PRRX1: variants seen among roughly 807,000 people sequenced by gnomAD.
PRRX1 encodes the protein paired related homeobox 1.
PRRX1 carries 8 observed loss-of-function variants against 24.0 expected under a neutral mutation model. That is an observed-to-expected ratio of 0.33 (90% CI 0.20 to 0.60). The LOEUF (loss-of-function observed/expected upper bound fraction) is 0.60, where lower values mean the gene tolerates loss of function less well. Among genes scored for constraint, PRRX1 ranks in the 20% least tolerant of loss-of-function variants. The probability of loss-of-function intolerance (pLI) is 0.82; values close to 1 mark genes in which losing one functional copy is unlikely to be tolerated. For missense variants in PRRX1, 281 were observed against 322.4 expected (o/e 0.87, Z 0.98); for synonymous variants, 160 against 131.7 (o/e 1.22, Z -1.47).
intron 1 of PRRX1, among the ~76,000 whole-genome samples, chr1:170,717,287 T>C (rs1654934250): frequency 6.6e-6 from 1 of 152,256 alleles, no homozygotes; most frequent in African/African-American, 2.4e-5. Flanking sequence ...TGGTGGTTTA[T>C]GGTAGACAGT....
intron 1 of PRRX1, among the ~76,000 whole-genome samples, chr1:170,670,562 G>A (rs1558042825): frequency 6.6e-6 from 1 of 151,638 alleles, no homozygotes; most frequent in South Asian, 2.1e-4. Context: ...GTAGATTGTC[G>A]TTGTCATTTT....
At chr1:170,703,900 T>C (rs1368014315) in intron 1 of PRRX1, among the ~76,000 whole-genome samples, 1 of 152,206 alleles carries the variant, frequency 6.6e-6, no homozygotes, top group African/African-American at 2.4e-5. Context: ...CATGAAAATA[T>C]ACAGCCATGT....
chr1:170,672,360 T>C (rs1173801723), intron 1 of PRRX1, among the ~76,000 whole-genome samples: 1 of 152,228 alleles, frequency 6.6e-6, no homozygotes, highest in Non-Finnish European at 1.5e-5. Flanking sequence ...GGTTAATACA[T>C]ACTTTCCAAG....
At chr1:170,733,778 G>C (rs528744122) in intron 3 of PRRX1, among the ~76,000 whole-genome samples, 1 of 151,914 alleles carries the variant, frequency 6.6e-6, no homozygotes, top group Non-Finnish European at 1.5e-5. Context: ...TTAGATCTTC[G>C]GATTCTTGGT....
intron 1 of PRRX1, among the ~76,000 whole-genome samples, chr1:170,695,140 T>G (rs1369161210): frequency 6.6e-6 from 1 of 152,176 alleles, no homozygotes; most frequent in East Asian, 1.9e-4. Context: ...TATGATTAAA[T>G]GCAACAACCA....
Position 170,738,431 on chromosome 1 carries a change from A to G in PRRX1, c.*2245A>G. On this transcript the variant is annotated 3_prime_UTR_variant, in exon 4 of 4. Coordinates refer to ENST00000239461, the MANE Select transcript of PRRX1 (RefSeq NM_022716.4). ...TTCCTTCTTCTTTTAGCCCACTATT[A>G]AAACATTTCTTACTGAATGGTTCAT... 1 of 227,524 alleles carries G rather than the reference A, an allele frequency of 4.4e-6. No individual in the cohort carries two copies. The highest frequency in any genetic ancestry group is 6.3e-5 in the East Asian group (1 of 15,810). 14.1% of individuals were successfully genotyped at this position (227,524 alleles called of 1,614,324 possible).
chr1:170,666,249 C>G (rs947871033), intron 1 of PRRX1, among the ~76,000 whole-genome samples: 4 of 151,892 alleles, frequency 2.6e-5, no homozygotes, highest in African/African-American at 7.3e-5. Flanking sequence ...TGAAACCCCT[C>G]TCTCCTAAAA....
intron 1 of PRRX1, among the ~76,000 whole-genome samples, chr1:170,699,968 A>G (rs550559): frequency 0.1 from 15,931 of 152,102 alleles, 1,220 homozygotes; most frequent in African/African-American, 0.21. Flanking sequence ...GTGATCTGCC[A>G]GCCTCAACCT....
At chr1:170,676,861 C>A (rs1653336222) in intron 1 of PRRX1, among the ~76,000 whole-genome samples, 2 of 152,042 alleles carry the variant, frequency 1.3e-5, no homozygotes, top group Non-Finnish European at 2.9e-5. Context: ...CTGCACAGAC[C>A]TTTTTAAATT....
At chr1:170,674,954 AC>A (rs1653265936) in intron 1 of PRRX1, among the ~76,000 whole-genome samples, 1 of 152,222 alleles carries the variant, frequency 6.6e-6, no homozygotes, top group South Asian at 2.1e-4. Flanking sequence ...TATTGCATTA[AC>A]ATTCTTCATT....
At position 170,719,753 on chromosome 1, in the gene PRRX1, A is replaced by G. The variant is rs79567938; in HGVS notation, c.269A>G (p.Lys90Arg). The change falls in exon 2 of 4, where the codon AAG (lysine) becomes AGG (arginine). Residue 90 changes from lysine (K) to arginine (R), a missense_variant. Coordinates refer to ENST00000239461, the MANE Select transcript of PRRX1 (RefSeq NM_022716.4). Reference protein sequence around the residue: ...DNDQLNSEEKKKRKQRRNRTT... With the variant: ...DNDQLNSEEKRKRKQRRNRTT... ...GACCAGCTGAACTCAGAAGAAAAAA[A>G]GAAGAGAAAGCAGCGAAGGAATAGG... 2 of 1,614,208 alleles carry G rather than the reference A, an allele frequency of 1.2e-6. No homozygotes were observed.
In PRRX1 at chr1:170,738,874, A is replaced by G. The variant is rs1042603175; in HGVS notation, c.*2688A>G. 65 of 229,418 alleles carry G rather than the reference A, an allele frequency of 2.8e-4. No homozygotes were observed. Among genetic ancestry groups the G allele is most frequent in the Non-Finnish European group, 3.5e-5 (4 of 115,724 alleles). The allele number at this position is 229,418 out of a possible 1,614,324, so 14.2% of individuals were successfully genotyped here. A position where few individuals can be genotyped will look rare whatever the true frequency, so the allele number is the denominator to read the frequency against. ...TGTCTCAAGCAAGCAATGTCTGGGA[A>G]TATCATAGAGTAACAAGTGCTGGTC... On this transcript the variant is annotated 3_prime_UTR_variant, in exon 4 of 4. Coordinates refer to ENST00000239461, the MANE Select transcript of PRRX1 (RefSeq NM_022716.4).
intron 1 of PRRX1, among the ~76,000 whole-genome samples, chr1:170,690,712 T>C (rs996811422): frequency 1.3e-5 from 2 of 152,070 alleles, no homozygotes; most frequent in African/African-American, 4.8e-5. Flanking sequence ...AATGTTTTTA[T>C]TGGGTCAGGG....
chr1:170,664,519 G>A, intron 1 of PRRX1, 60 bp downstream of exon 1: 2 of 1,545,394 alleles, frequency 1.3e-6, no homozygotes, highest in African/African-American at 1.4e-5. Flanking sequence ...GGGGACCCGT[G>A]TAGGGCAGCT....
chr1:170,679,873 T>C (rs1310956046), intron 1 of PRRX1, among the ~76,000 whole-genome samples: 1 of 152,224 alleles, frequency 6.6e-6, no homozygotes, highest in Non-Finnish European at 1.5e-5. Flanking sequence ...CTTCTTTTCT[T>C]ACAAAGTCCT....
intron 1 of PRRX1, among the ~76,000 whole-genome samples, chr1:170,713,448 C>A (rs975104252): frequency 6.6e-6 from 1 of 152,152 alleles, no homozygotes; most frequent in African/African-American, 2.4e-5. Context: ...ATTGTGTTAA[C>A]ATTTTTGGCG....
chr1:170,672,867 C>T (rs1480760510), intron 1 of PRRX1, among the ~76,000 whole-genome samples: 3 of 152,130 alleles, frequency 2.0e-5, no homozygotes, highest in Non-Finnish European at 1.5e-5. Flanking sequence ...GTCAGTGCCC[C>T]AGGCTCCTGT....
At chr1:170,734,346 T>C (rs1015888720) in intron 3 of PRRX1, among the ~76,000 whole-genome samples, 2 of 152,096 alleles carry the variant, frequency 1.3e-5, no homozygotes, top group African/African-American at 4.8e-5. Context: ...GTCTATTCAT[T>C]GAACACATGG....
chr1:170,713,141 G>A (rs1220807489), intron 1 of PRRX1, among the ~76,000 whole-genome samples: 1 of 152,158 alleles, frequency 6.6e-6, no homozygotes, highest in Non-Finnish European at 1.5e-5. Flanking sequence ...ATTATTAGTA[G>A]TAGTATTTCA....
Sources: gnomAD v4.1 joint callset for allele counts (sites outside exome capture counted in the v4.1 genomes callset) on GRCh38, gnomAD v4.1.1 for gene constraint, MANE v1.5 for transcripts, NCBI Gene and HGNC (gene_info 2026-07-23, HGNC 2026-07-21) for gene names.